XPR1: variants seen among roughly 807,000 people sequenced by gnomAD.
XPR1 encodes solute carrier family 53 member 1.
A neutral mutation model predicts 87.5 loss-of-function variants in XPR1; 28 were observed. The observed-to-expected ratio is 0.32, with a 90% CI of 0.24 to 0.44. The LOEUF (loss-of-function observed/expected upper bound fraction) is 0.44, where lower values mean the gene tolerates loss of function less well. Among genes scored for constraint, XPR1 ranks in the 20% least tolerant of loss-of-function variants. The pLI is 1.00. For missense variants in XPR1, 559 were observed against 862.3 expected, an observed-to-expected ratio of 0.65 and a Z score of 4.41; for synonymous variants, 300 against 306.1, an observed-to-expected ratio of 0.98 and a Z score of 0.21.
chr1:180,824,265 G>A (rs1400893644), intron 7 of XPR1, among the ~76,000 whole-genome samples: 6 of 152,184 alleles, frequency 3.9e-5, no homozygotes, highest in Non-Finnish European at 8.8e-5. Context: ...AGAACCCACA[G>A]GCGACTTTTT....
chr1:180,720,546 T>C lies in XPR1; in HGVS notation c.121+38135T>C, dbSNP rs1658147072. 2.0e-5 allele frequency among the ~76,000 whole-genome samples: 3 copies of C among 152,346 alleles called. No individual in the cohort carries two copies. In the South Asian group the frequency reaches 6.2e-4, roughly 32 times the overall value. On this transcript the variant is annotated intron_variant, in intron 2 of 14. Coordinates refer to ENST00000367590, the MANE Select transcript of XPR1 (RefSeq NM_004736.4). ...GATGAATTAGAGATATGGTTTTATATGGCATGAAAAATGAATATTATAATT... is the reference window on the plus strand; with the variant it reads ...GATGAATTAGAGATATGGTTTTATACGGCATGAAAAATGAATATTATAATT...
rs1056792309 is a variant in XPR1, at chr1:180,884,140, G to T, written c.*74G>T. 7.1e-6 allele frequency: 10 copies of T among 1,401,412 alleles called. No homozygotes were observed. In the African/African-American group the frequency reaches 1.1e-4, roughly 16 times the overall value. 86.8% of individuals were successfully genotyped at this position (1,401,412 alleles called of 1,614,324 possible). A position where few individuals can be genotyped will look rare whatever the true frequency, so the allele number is the denominator to read the frequency against. ...CTTTCCTCGACCAACGCAACCTCTA[G>T]TACCTTTCCAGCCGAAAACAGGAGA... is the stretch of plus-strand genomic sequence containing the variant. On this transcript the variant is annotated 3_prime_UTR_variant, in exon 15 of 15. Coordinates refer to ENST00000367590, the MANE Select transcript of XPR1 (RefSeq NM_004736.4).
At chr1:180,731,920 T>C (rs1474993614) in intron 2 of XPR1, among the ~76,000 whole-genome samples, 5 of 152,122 alleles carry the variant, frequency 3.3e-5, no homozygotes, top group African/African-American at 1.2e-4. Context: ...AGGCTGGGCG[T>C]GGTGGCTCAT....
chr1:180,803,335 A>G (rs529369567), intron 3 of XPR1, 53 bp from the exon 4 acceptor site: 1 of 1,523,808 alleles, frequency 6.6e-7, no homozygotes, highest in East Asian at 2.3e-5. Context: ...TTCAGAAGTC[A>G]GTAGGAACTT....
intron 14 of XPR1, among the ~76,000 whole-genome samples, chr1:180,880,660 T>C (rs1254712391): frequency 6.6e-6 from 1 of 152,212 alleles, no homozygotes; most frequent in Admixed American, 6.5e-5. Context: ...CTTGACCAAA[T>C]GACTTAATTT....
intron 2 of XPR1, among the ~76,000 whole-genome samples, chr1:180,744,031 TTTTAAC>T (rs1659003257): frequency 6.6e-6 from 1 of 152,202 alleles, no homozygotes; most frequent in Non-Finnish European, 1.5e-5. Context: ...TTTGGGATGT[TTTTAAC>T]TATTATGTCT....
intron 2 of XPR1, among the ~76,000 whole-genome samples, chr1:180,753,524 A>G (rs1389269427): frequency 1.3e-5 from 2 of 151,976 alleles, no homozygotes; most frequent in Admixed American, 6.6e-5. Flanking sequence ...ACTGTACTCC[A>G]GCTTGGGCAA....
intron 2 of XPR1, among the ~76,000 whole-genome samples, chr1:180,695,466 G>T (rs984406689): frequency 3.3e-5 from 5 of 151,606 alleles, no homozygotes; most frequent in Admixed American, 3.3e-4. Flanking sequence ...GCGCGCTTTT[G>T]TTGCCTGCGC....
At chr1:180,873,774 A>G in intron 12 of XPR1, 29 bp from the exon 13 acceptor site, 1 of 1,608,328 alleles carries the variant, frequency 6.2e-7, no homozygotes, top group East Asian at 2.2e-5. Context: ...GTGATAGAAA[A>G]CATACTCAAT....
intron 10 of XPR1, among the ~76,000 whole-genome samples, chr1:180,836,293 G>A (rs546108572): frequency 6.6e-6 from 1 of 151,928 alleles, no homozygotes; most frequent in East Asian, 1.9e-4. Flanking sequence ...GGAGGCAGAG[G>A]TTGCAGTGAG....
chr1:180,786,653 A>G (rs1571837206), intron 2 of XPR1, among the ~76,000 whole-genome samples: 2 of 152,304 alleles, frequency 1.3e-5, no homozygotes, highest in East Asian at 3.9e-4. Flanking sequence ...GCCTGCAGAA[A>G]CATGTATTGA....
At chr1:180,781,595 C>CT (rs1184621008) in intron 2 of XPR1, among the ~76,000 whole-genome samples, 1,626 of 141,048 alleles carry the variant, frequency 0.012, 36 homozygotes, top group African/African-American at 0.038. Flanking sequence ...GATTGGTACT[C>CT]TTTTTTTTTT....
At chr1:180,808,517 G>A (rs1006846514) in intron 6 of XPR1, among the ~76,000 whole-genome samples, 31 of 151,910 alleles carry the variant, frequency 2.0e-4, no homozygotes, top group African/African-American at 7.3e-4. Context: ...GAAAAGAAAA[G>A]CAAGAGACTA....
chr1:180,838,463 A>G (rs1651384235), intron 11 of XPR1, among the ~76,000 whole-genome samples: 1 of 152,190 alleles, frequency 6.6e-6, no homozygotes, highest in African/African-American at 2.4e-5. Context: ...TGAAAATCCA[A>G]ATTCCTCAAA....
chr1:180,817,969 A>C (rs1406145675), intron 7 of XPR1, among the ~76,000 whole-genome samples: 1 of 151,600 alleles, frequency 6.6e-6, no homozygotes, highest in Non-Finnish European at 1.5e-5. Context: ...ATCTTTGTGC[A>C]CTGATACTGG....
chr1:180,657,949 T>G (rs1557942553), intron 1 of XPR1, among the ~76,000 whole-genome samples: 1 of 152,204 alleles, frequency 6.6e-6, no homozygotes, highest in Non-Finnish European at 1.5e-5. Flanking sequence ...TTTGCATGTG[T>G]GTCCTCTTTA....
chr1:180,779,334 C>T (rs184584922), intron 2 of XPR1, among the ~76,000 whole-genome samples: 34 of 152,280 alleles, frequency 2.2e-4, no homozygotes, highest in South Asian at 1.7e-3. Flanking sequence ...GCAGGACCTA[C>T]ATTTATCTCA....
intron 7 of XPR1, among the ~76,000 whole-genome samples, chr1:180,813,358 T>A (rs945130787): frequency 4.6e-5 from 7 of 152,202 alleles, no homozygotes; most frequent in African/African-American, 1.7e-4. Flanking sequence ...AAATGCTACA[T>A]TCTTAGTAAA....
At chr1:180,739,476 C>G (rs781420482) in intron 2 of XPR1, among the ~76,000 whole-genome samples, 3 of 152,092 alleles carry the variant, frequency 2.0e-5, no homozygotes, top group Non-Finnish European at 4.4e-5. Flanking sequence ...ATATTTCTGG[C>G]ATATCAATTA....
Sources: gnomAD v4.1 joint callset for allele counts (sites outside exome capture counted in the v4.1 genomes callset) on GRCh38, gnomAD v4.1.1 for gene constraint, MANE v1.5 for transcripts, NCBI Gene and HGNC (gene_info 2026-07-23, HGNC 2026-07-21) for gene names.